TPRG1: variants seen among roughly 807,000 people sequenced by gnomAD.
TPRG1 encodes the protein tumor protein p63-regulated gene 1 protein.
In TPRG1, 29 loss-of-function variants were observed where a neutral mutation model predicts 29.3. The ratio of observed to expected loss-of-function variants is 0.99; its 90% CI spans 0.74 to 1.35. TPRG1 has a LOEUF of 1.35. Among genes scored for constraint, TPRG1 ranks in the 40% most tolerant of loss-of-function variants. The probability of loss-of-function intolerance (pLI) is 0.00; values close to 1 mark genes in which losing one functional copy is unlikely to be tolerated. For missense variants in TPRG1, 327 were observed against 335.0 expected (o/e 0.98, Z 0.19); for synonymous variants, 130 against 116.8 (o/e 1.11, Z -0.73).
chr3:189,157,724 C>T (rs1726883894), intron 5 of TPRG1, among the ~76,000 whole-genome samples: 1 of 152,160 alleles, frequency 6.6e-6, no homozygotes, highest in Admixed American at 6.5e-5. Flanking sequence ...ATGCTGTTGC[C>T]TCCCAGGAGG....
At chr3:189,252,852 T>G (rs1039174385) in intron 4 of TPRG1, among the ~76,000 whole-genome samples, 1 of 152,170 alleles carries the variant, frequency 6.6e-6, no homozygotes, top group African/African-American at 2.4e-5. Flanking sequence ...ACTTGTCGAC[T>G]CTCCCATTTT....
intron 4 of TPRG1, among the ~76,000 whole-genome samples, chr3:189,038,363 C>CATACATATATATATATCAA (rs1714415745): frequency 6.6e-6 from 1 of 151,832 alleles, no homozygotes; most frequent in Non-Finnish European, 1.5e-5. Context: ...TGTATGATGT[C>CATACATATATATATATCAA]TTCATATATA....
intron 1 of TPRG1, among the ~76,000 whole-genome samples, chr3:189,186,737 G>A (rs1455491084): frequency 1.4e-5 from 2 of 144,810 alleles, no homozygotes; most frequent in African/African-American, 2.6e-5. Flanking sequence ...AAGTAGTTCA[G>A]TATTCTCCTA....
intron 4 of TPRG1, among the ~76,000 whole-genome samples, chr3:189,247,388 G>A (rs116506075): frequency 0.017 from 2,601 of 151,848 alleles, 79 homozygotes; most frequent in African/African-American, 0.058. Context: ...ACCTAAGTTA[G>A]CATAATTACA....
chr3:189,284,759 C>T (rs1461832787), intron 4 of TPRG1, among the ~76,000 whole-genome samples: 1 of 152,068 alleles, frequency 6.6e-6, no homozygotes, highest in Non-Finnish European at 1.5e-5. Context: ...AAACTGGATC[C>T]CTTCCTTACA....
Position 189,215,316 on chromosome 3 carries a change from G to C in TPRG1, c.235G>C (p.Glu79Gln). Residue 79 changes from glutamate (E) to glutamine (Q), a missense_variant, in exon 3 of 6, where the codon GAA (glutamate) becomes CAA (glutamine). Coordinates refer to ENST00000345063, the MANE Select transcript of TPRG1 (RefSeq NM_198485.4). ...TRPGAIETAM[E>Q]DLKGHVAETS... Reference sequence around the variant, plus strand: ...GCCGGGGGCCATTGAGACTGCCATGGAAGACTTGAAAGGTCACGTAGCTGA... The same window carrying C: ...GCCGGGGGCCATTGAGACTGCCATGCAAGACTTGAAAGGTCACGTAGCTGA... 6.2e-7 allele frequency: 1 copy of C among 1,612,540 alleles called. No homozygotes were observed. Among genetic ancestry groups the C allele is most frequent in the South Asian group, 1.1e-5 (1 of 90,668 alleles).
rs61119996 is a variant in TPRG1 at position 189,045,771 on chromosome 3, C to G, written c.-463+21825C>G. Among the ~76,000 whole-genome samples, 733 of 152,220 alleles carry G rather than the reference C, an allele frequency of 4.8e-3. 7 individuals carry two copies. Among genetic ancestry groups the G allele is most frequent in the African/African-American group, 0.015 (638 of 41,536 alleles). On this transcript the variant is annotated intron_variant, in intron 4 of 10. Coordinates refer to the TPRG1 transcript ENST00000433971. ...GTTGGGCTCTTGGCTATATTTAGAT[C>G]ACAGCAACAAGGCCTGCAGTGGAGA... is the stretch of plus-strand genomic sequence containing the variant.
intron 1 of TPRG1, among the ~76,000 whole-genome samples, chr3:189,197,569 ATTTGGCTTACAGAGTGGT>A (rs1045832106): frequency 1.3e-5 from 2 of 152,176 alleles, no homozygotes; most frequent in African/African-American, 4.8e-5. Context: ...TCAATTCAAT[ATTTGGCTTACAGAGTGGT>A]TTTGTTTTAC....
chr3:189,173,309 C>T (rs1239254386), intron 1 of TPRG1, among the ~76,000 whole-genome samples: 1 of 148,088 alleles, frequency 6.8e-6, no homozygotes. Context: ...CTTTGGCAGA[C>T]TTCTATATAT....
intron 4 of TPRG1, among the ~76,000 whole-genome samples, chr3:189,299,358 G>A (rs1023031916): frequency 2.6e-5 from 4 of 151,990 alleles, no homozygotes; most frequent in African/African-American, 7.2e-5. Context: ...CAGCATCTGC[G>A]GCAAAACACT....
chr3:189,166,048 A>G (rs184776072), intron 5 of TPRG1, among the ~76,000 whole-genome samples: 2 of 152,362 alleles, frequency 1.3e-5, no homozygotes, highest in Non-Finnish European at 2.9e-5. Flanking sequence ...AGAGTCCCCA[A>G]CAACATAATA....
chr3:189,302,499 A>G (rs1457503369), intron 4 of TPRG1, among the ~76,000 whole-genome samples: 1 of 152,212 alleles, frequency 6.6e-6, no homozygotes, highest in Non-Finnish European at 1.5e-5. Flanking sequence ...CGTGTACAGA[A>G]TATGACAATG....
In TPRG1 at chr3:189,043,660, C is replaced by T. The variant is rs991502105; in HGVS notation, c.-463+19714C>T. Among the ~76,000 whole-genome samples the T allele has an allele frequency of 8.5e-5, 13 of 152,228 alleles. No individual in the cohort carries two copies. The East Asian group carries it at 2.5e-3, about 29-fold the overall frequency. ...GAGACTGGCTTGTATATATTGACAC[C>T]ACCTCAATTTAGGCACTGCGATGGC... On this transcript the variant is annotated intron_variant, in intron 4 of 10. Transcript: ENST00000433971.
chr3:189,122,625 C>T (rs950189600), intron 1 of TPRG1, among the ~76,000 whole-genome samples: 4 of 152,166 alleles, frequency 2.6e-5, no homozygotes, highest in Admixed American at 2.6e-4. Flanking sequence ...TAGTCCAACC[C>T]TGTCCTTTTA....
At chr3:189,190,505 C>T (rs758105573) in intron 1 of TPRG1, among the ~76,000 whole-genome samples, 18 of 152,176 alleles carry the variant, frequency 1.2e-4, no homozygotes, top group Non-Finnish European at 2.2e-4. Context: ...AATCTCTGGG[C>T]AGCCTCACTT....
chr3:189,130,180 G>C lies in TPRG1; in HGVS notation c.-589-2219G>C, dbSNP rs189184693. Among the ~76,000 whole-genome samples the C allele has an allele frequency of 1.5e-4, 23 of 152,282 alleles. No homozygotes were observed. In the East Asian group the frequency reaches 4.1e-3, roughly 27 times the overall value. On this transcript the variant is annotated intron_variant, in intron 2 of 6. Coordinates refer to the TPRG1 transcript ENST00000412373. ...CTTGGCACATACATCATGTGCCATG[G>C]GTTCTAGGCACATGCATAGTACCGA...
chr3:189,076,761 C>T (rs1276749426), intron 4 of TPRG1, among the ~76,000 whole-genome samples: 3 of 152,014 alleles, frequency 2.0e-5, no homozygotes, highest in African/African-American at 7.2e-5. Context: ...TAATGGGCCA[C>T]CTAGGCAAAT....
chr3:189,107,378 G>GT (rs1719950006), intron 1 of TPRG1, among the ~76,000 whole-genome samples: 1 of 152,076 alleles, frequency 6.6e-6, no homozygotes, highest in Non-Finnish European at 1.5e-5. Context: ...TAAAATATTA[G>GT]TTTTTGTCCA....
chr3:189,320,603 T>C, intron 5 of TPRG1, 23 bp from the exon 6 acceptor site: 4 of 1,577,934 alleles, frequency 2.5e-6, no homozygotes, highest in Non-Finnish European at 3.4e-6. Flanking sequence ...ACTAACTTTG[T>C]GCCTTCTTTT....
Sources: gnomAD v4.1 joint callset for allele counts (sites outside exome capture counted in the v4.1 genomes callset) on GRCh38, gnomAD v4.1.1 for gene constraint, MANE v1.5 for transcripts, NCBI Gene and HGNC (gene_info 2026-07-23, HGNC 2026-07-21) for gene names.